USH2A: variants seen among roughly 807,000 people sequenced by gnomAD.
USH2A encodes the protein usherin.
Under a neutral mutation model 538.9 loss-of-function variants are expected in USH2A, and 443 were observed. That is an observed-to-expected ratio of 0.82 (90% CI 0.76 to 0.89). USH2A has a LOEUF of 0.89. Among genes scored for constraint, USH2A ranks in the 40% least tolerant of loss-of-function variants. The pLI is 0.00. For synonymous variants in USH2A, 2,413 were observed against 2,273.5 expected (o/e 1.06, Z -1.75); for missense variants, 6,633 against 6,324.8 (o/e 1.05, Z -1.65).
At chr1:215,693,780 GAA>G (rs1658700790) in intron 61 of USH2A, among the ~76,000 whole-genome samples, 2 of 152,240 alleles carry the variant, frequency 1.3e-5, no homozygotes, top group South Asian at 4.2e-4. Context: ...GGATGAAGGT[GAA>G]AAAGACATGT....
intron 47 of USH2A, among the ~76,000 whole-genome samples, chr1:215,837,598 T>G (rs1274028970): frequency 6.6e-6 from 1 of 152,190 alleles, no homozygotes; most frequent in African/African-American, 2.4e-5. Context: ...TTTTACAGAT[T>G]TCTAGCTTTA....
chr1:215,913,357 G>A (rs1665863190), intron 38 of USH2A, among the ~76,000 whole-genome samples: 1 of 152,080 alleles, frequency 6.6e-6, no homozygotes, highest in Non-Finnish European at 1.5e-5. Flanking sequence ...CATTAAAGGG[G>A]GCCGACTTAA....
chr1:216,027,695 A>G (rs2089914821), intron 32 of USH2A, among the ~76,000 whole-genome samples: 1 of 152,172 alleles, frequency 6.6e-6, no homozygotes, highest in Non-Finnish European at 1.5e-5. Flanking sequence ...ACTAGTTCAC[A>G]ATATTAGACA....
intron 4 of USH2A, among the ~76,000 whole-genome samples, chr1:216,351,164 C>T (rs974476181): frequency 2.0e-5 from 3 of 152,088 alleles, no homozygotes; most frequent in Non-Finnish European, 4.4e-5. Context: ...CTTGCTTTCT[C>T]TTTTATATTA....
At chr1:215,850,521 G>A (rs1663988518) in intron 44 of USH2A, among the ~76,000 whole-genome samples, 1 of 152,060 alleles carries the variant, frequency 6.6e-6, no homozygotes, top group Non-Finnish European at 1.5e-5. Flanking sequence ...CTGGGGAATG[G>A]TGGATTCACT....
chr1:216,096,948 G>A lies in USH2A; in HGVS notation c.4758+135C>T, dbSNP rs149567721. 462 of 963,068 alleles carry A rather than the reference G, an allele frequency of 4.8e-4. 2 individuals are homozygous for A. The African/African-American group carries it at 6.8e-3, about 14-fold the overall frequency. 59.7% of individuals were successfully genotyped at this position (963,068 alleles called of 1,614,324 possible). On this transcript the variant is annotated intron_variant, in intron 22 of 71. Coordinates refer to ENST00000307340, the MANE Select transcript of USH2A (RefSeq NM_206933.4). The stretch of plus-strand genomic sequence containing the variant: ...TTTGTAAGTTTCATTTTCTTGATTG[G>A]CAAAATGGGGATAATAATAGTACTT...
intron 55 of USH2A, among the ~76,000 whole-genome samples, chr1:215,768,939 G>A (rs1005659930): frequency 5.9e-5 from 9 of 152,074 alleles, no homozygotes; most frequent in African/African-American, 2.2e-4. Context: ...AACAAATATT[G>A]CTTAAAGAAG....
chr1:215,995,472 T>C (rs550306659), intron 34 of USH2A, among the ~76,000 whole-genome samples: 5 of 152,204 alleles, frequency 3.3e-5, no homozygotes, highest in Admixed American at 6.5e-5. Context: ...TTAGTTCCTT[T>C]GATGGGAAAA....
intron 32 of USH2A, among the ~76,000 whole-genome samples, chr1:216,033,109 C>T (rs1669167515): frequency 6.6e-6 from 1 of 152,296 alleles, no homozygotes; most frequent in East Asian, 1.9e-4. Context: ...GAAATAACTC[C>T]AGAGCTCCCT....
chr1:215,693,723 A>G (rs1262751709), intron 61 of USH2A, among the ~76,000 whole-genome samples: 2 of 152,224 alleles, frequency 1.3e-5, no homozygotes, highest in Non-Finnish European at 2.9e-5. Context: ...ATCCTCATAC[A>G]TCATGGAGCC....
chr1:216,089,804 T>C (rs1465491846), intron 22 of USH2A, among the ~76,000 whole-genome samples: 1 of 149,816 alleles, frequency 6.7e-6, no homozygotes, highest in Non-Finnish European at 1.5e-5. Context: ...GTTTAGCAAA[T>C]AGGAGGTAAG....
chr1:216,106,317 C>CTA (rs10589896), intron 21 of USH2A, among the ~76,000 whole-genome samples: 135 of 146,232 alleles, frequency 9.2e-4, no homozygotes, highest in Middle Eastern at 3.6e-3. Flanking sequence ...TATATGTATA[C>CTA]TATATATATA....
intron 41 of USH2A, among the ~76,000 whole-genome samples, chr1:215,882,718 AG>A (rs1376400798): frequency 2.6e-5 from 4 of 152,130 alleles, no homozygotes; most frequent in African/African-American, 9.7e-5. Context: ...ACAGAAAAAA[AG>A]TTCTCTACCA....
At chr1:215,790,400 C>T in intron 50 of USH2A, 118 bp from the exon 51 acceptor site, 1 of 1,048,412 alleles carries the variant, frequency 9.5e-7, no homozygotes, top group South Asian at 1.4e-5. Context: ...TGGTGCAATA[C>T]CTAAGGTAGC....
intron 4 of USH2A, among the ~76,000 whole-genome samples, chr1:216,344,514 G>T (rs1342688562): frequency 1.3e-5 from 2 of 152,018 alleles, no homozygotes; most frequent in African/African-American, 2.4e-5. Flanking sequence ...TTGTTTTAAT[G>T]TATCTCTTGG....
At chr1:215,652,297 A>C (rs1657109211) in intron 64 of USH2A, among the ~76,000 whole-genome samples, 1 of 151,910 alleles carries the variant, frequency 6.6e-6, no homozygotes, top group Non-Finnish European at 1.5e-5. Flanking sequence ...TTCAATGAGC[A>C]GGGTTTTTGA....
intron 14 of USH2A, among the ~76,000 whole-genome samples, chr1:216,224,031 A>G (rs1170200635): frequency 1.3e-5 from 2 of 152,184 alleles, no homozygotes; most frequent in East Asian, 3.9e-4. Flanking sequence ...CCTACCCTCT[A>G]TGGACAACTT....
At chr1:216,145,658 G>A (rs1173824168) in intron 21 of USH2A, among the ~76,000 whole-genome samples, 4 of 152,098 alleles carry the variant, frequency 2.6e-5, no homozygotes, top group Non-Finnish European at 4.4e-5. Flanking sequence ...GCACGTATAC[G>A]CCCAGATGGC....
In USH2A at chr1:216,073,918, T is replaced by G. The variant is rs551803316; in HGVS notation, c.5573-618A>C. Among the ~76,000 whole-genome samples the G allele has an allele frequency of 2.0e-5, 3 of 152,352 alleles. No homozygotes were observed. In the South Asian group the frequency reaches 6.2e-4, roughly 32 times the overall value. ...ACAGAAGAGCTGTCACTATGCTCTA[T>G]CATTTTTCACAGAGTTCCATAATCT... is the stretch of plus-strand genomic sequence containing the variant. On this transcript the variant is annotated intron_variant, in intron 27 of 71. Transcript: ENST00000307340.
Sources: allele counts gnomAD v4.1 joint callset (sites outside exome capture counted in the v4.1 genomes callset), GRCh38; gene constraint gnomAD v4.1.1; transcripts MANE v1.5; gene names NCBI Gene and HGNC (gene_info 2026-07-23, HGNC 2026-07-21).